PCDHA1: variants seen among roughly 807,000 people sequenced by gnomAD.
The protein encoded by PCDHA1 is protocadherin alpha 1, also known as protocadherin alpha-1.
In PCDHA1, 42 loss-of-function variants were observed where a neutral mutation model predicts 61.3. The observed-to-expected ratio is 0.69, with a 90% confidence interval of 0.54 to 0.89. PCDHA1 has a LOEUF of 0.89. PCDHA1 is among the 40% of genes least tolerant of loss of function. The pLI is 0.00. For synonymous variants in PCDHA1, 610 were observed against 553.8 expected, an observed-to-expected ratio of 1.10 and a Z score of -1.43; for missense variants, 1,256 against 1,235.3, an observed-to-expected ratio of 1.02 and a Z score of -0.25.
chr5:140,871,290 C>T, intron 1 of PCDHA1: 8 of 1,613,900 alleles, frequency 5.0e-6, no homozygotes, highest in African/African-American at 1.3e-5. Context: ...CCACTGAGGG[C>T]GCGTGCGCGC....
intron 1 of PCDHA1, chr5:140,966,338 A>C (rs2095992774): frequency 2.5e-6 from 1 of 394,586 alleles, no homozygotes; most frequent in Non-Finnish European, 4.5e-6. Flanking sequence ...CGGCAGGTCC[A>C]GGGTGAAGGA....
At chr5:140,848,419 T>C in intron 1 of PCDHA1, 1 of 1,412,874 alleles carries the variant, frequency 7.1e-7, no homozygotes, top group Non-Finnish European at 9.7e-7. Context: ...CACAGCAGAA[T>C]GGGACTGACG....
rs915171063 is a variant in PCDHA1 at position 140,977,108 on chromosome 5, T to C, written c.2395-1841T>C. On this transcript the variant is annotated intron_variant, in intron 1 of 3. Transcript: ENST00000504120. ...AAATGTGTCATTGGGGAAGTGAGAT[T>C]GTATAATGAACTGAGTTTCCTGGTC... 6.6e-5 allele frequency among the ~76,000 whole-genome samples: 10 copies of C among 152,302 alleles called. No homozygotes were observed. The East Asian group carries it at 1.9e-3, about 29-fold the overall frequency.
At chr5:140,842,109 A>C (rs2150329529) in intron 1 of PCDHA1, 16 of 1,613,740 alleles carry the variant, frequency 9.9e-6, no homozygotes, top group Non-Finnish European at 1.4e-5. Context: ...ACAGTTATCA[A>C]ACTGAATGCT....
chr5:140,960,788 G>A (rs1268913888), intron 1 of PCDHA1, among the ~76,000 whole-genome samples: 1 of 152,086 alleles, frequency 6.6e-6, no homozygotes, highest in Non-Finnish European at 1.5e-5. Context: ...GCCAAACAAG[G>A]TTTCTATTAA....
chr5:140,924,900 A>T (rs622703), intron 1 of PCDHA1, among the ~76,000 whole-genome samples: 5 of 63,248 alleles, frequency 7.9e-5, no homozygotes, highest in Admixed American at 1.7e-4. Flanking sequence ...GTCTCAAAAA[A>T]AAAAATAAAA....
chr5:140,882,637 G>A (rs540228460), intron 1 of PCDHA1: 1 of 1,614,234 alleles, frequency 6.2e-7, no homozygotes, highest in African/African-American at 1.3e-5. Flanking sequence ...AGGTGAAGGT[G>A]AGGGACATTA....
intron 1 of PCDHA1, among the ~76,000 whole-genome samples, chr5:140,839,001 C>A (rs1775989279): frequency 6.6e-6 from 1 of 151,970 alleles, no homozygotes; most frequent in Non-Finnish European, 1.5e-5. Flanking sequence ...TTCTAATATA[C>A]TTTAGTAAAT....
intron 1 of PCDHA1, chr5:140,805,800 A>T (rs1763632651): frequency 6.0e-6 from 1 of 167,522 alleles, no homozygotes; most frequent in Non-Finnish European, 1.2e-5. Context: ...ATCTTTAGAA[A>T]ATCATAGAGG....
chr5:140,985,504 A>G (rs1368014181), intron 3 of PCDHA1, among the ~76,000 whole-genome samples: 2 of 152,170 alleles, frequency 1.3e-5, no homozygotes, highest in Non-Finnish European at 2.9e-5. Context: ...CCTGCCTTTC[A>G]TTGATTCTGT....
chr5:140,929,282 A>T, intron 1 of PCDHA1: 1 of 1,601,564 alleles, frequency 6.2e-7, no homozygotes, highest in South Asian at 1.1e-5. Flanking sequence ...TCCTGTATTC[A>T]GATTCGGAAT....
At chr5:140,948,865 C>T (rs1358865868) in intron 1 of PCDHA1, among the ~76,000 whole-genome samples, 4 of 151,324 alleles carry the variant, frequency 2.6e-5, no homozygotes, top group African/African-American at 4.8e-5. Flanking sequence ...TATATTACTT[C>T]GGGTTTACTT....
chr5:140,918,072 T>C (rs1271495774), intron 1 of PCDHA1, among the ~76,000 whole-genome samples: 1 of 152,142 alleles, frequency 6.6e-6, no homozygotes, highest in Non-Finnish European at 1.5e-5. Flanking sequence ...TTTCTTTCAG[T>C]AGTGTTTTAT....
chr5:140,829,000 G>C, intron 1 of PCDHA1: 1 of 1,613,886 alleles, frequency 6.2e-7, no homozygotes. Context: ...GAGAAATAGT[G>C]ATTCGGGGTA....
chr5:140,802,466 G>A (rs369370191), intron 1 of PCDHA1: 14 of 1,614,230 alleles, frequency 8.7e-6, no homozygotes, highest in Non-Finnish European at 1.1e-5. Context: ...CCTATGAGCT[G>A]GTGGTGACTG....
At chr5:140,946,894 T>C (rs1368559322) in intron 1 of PCDHA1, among the ~76,000 whole-genome samples, 1 of 151,402 alleles carries the variant, frequency 6.6e-6, no homozygotes, top group Non-Finnish European at 1.5e-5. Context: ...TACAATTAGA[T>C]AGGAAGAATA....
intron 1 of PCDHA1, chr5:140,823,567 C>A (rs2150126965): frequency 1.2e-6 from 2 of 1,613,944 alleles, no homozygotes; most frequent in South Asian, 2.2e-5. Context: ...CGCAGTGGAC[C>A]CTGATTCGGG....
intron 1 of PCDHA1, chr5:140,876,785 C>T (rs1554168921): frequency 3.1e-6 from 5 of 1,614,206 alleles, no homozygotes; most frequent in Admixed American, 1.7e-5. Flanking sequence ...CTGTGGGCCA[C>T]GGCTAGAGTG....
intron 3 of PCDHA1, among the ~76,000 whole-genome samples, chr5:141,008,308 TA>T (rs1554261716): frequency 6.6e-6 from 1 of 152,214 alleles, no homozygotes; most frequent in East Asian, 1.9e-4. Flanking sequence ...CCCTAAACTG[TA>T]ATTGAACATA....
Sources: gnomAD v4.1 joint callset for allele counts (sites outside exome capture counted in the v4.1 genomes callset) on GRCh38, gnomAD v4.1.1 for gene constraint, MANE v1.5 for transcripts, NCBI Gene and HGNC (gene_info 2026-07-23, HGNC 2026-07-21) for gene names.